Variants in ELOVL6 observed in about 807,000 individuals in gnomAD.
ELOVL6 encodes the protein very long chain fatty acid elongase 6.
A neutral mutation model predicts 31.7 loss-of-function variants in ELOVL6; 8 were observed. That is an observed-to-expected ratio of 0.25 (90% CI 0.15 to 0.45). The LOEUF (loss-of-function observed/expected upper bound fraction) is 0.45. ELOVL6 is among the 20% of genes least tolerant of loss of function. The probability of loss-of-function intolerance (pLI) is 1.00; values close to 1 mark genes in which losing one functional copy is unlikely to be tolerated. For synonymous variants in ELOVL6, 101 were observed against 117.7 expected (o/e 0.86, Z 0.92); for missense variants, 126 against 326.4 (o/e 0.39, Z 4.73).
chr4:110,120,283 T>A (rs920161138), intron 1 of ELOVL6, among the ~76,000 whole-genome samples: 4 of 151,774 alleles, frequency 2.6e-5, no homozygotes, highest in African/African-American at 9.7e-5. Context: ...AGCACCAAGA[T>A]TTGAGAGTAA....
At chr4:110,163,590 A>G (rs17612681) in intron 1 of ELOVL6, among the ~76,000 whole-genome samples, 6,808 of 152,338 alleles carry the variant, frequency 0.045, 219 homozygotes, top group South Asian at 0.12. Flanking sequence ...AAGTCTTATC[A>G]TCAATGAGTA....
At chr4:110,100,410 A>G (rs1479797765) in intron 2 of ELOVL6, among the ~76,000 whole-genome samples, 1 of 152,138 alleles carries the variant, frequency 6.6e-6, no homozygotes, top group East Asian at 1.9e-4. Context: ...AAAGAGAAAA[A>G]CTGCAGGCAA....
intron 1 of ELOVL6, among the ~76,000 whole-genome samples, chr4:110,156,308 C>T (rs1220059613): frequency 1.3e-5 from 2 of 152,122 alleles, no homozygotes; most frequent in African/African-American, 4.8e-5. Context: ...AGGATTGCTG[C>T]AGAGGAGATA....
rs192053407 is a variant in ELOVL6, at chr4:110,139,388, C to G, written c.90-33760G>C. Among the ~76,000 whole-genome samples the G allele has an allele frequency of 5.6e-4, 85 of 152,164 alleles. 1 individual carries two copies. The Middle Eastern group carries it at 0.031, about 55-fold the overall frequency. ...AGACACATGTAGATAATCACAGTGA[C>G]CTCAGTAACTTTCCTTCTCTTATTT... is the stretch of plus-strand genomic sequence containing the variant. On this transcript the variant is annotated intron_variant, in intron 1 of 3. Transcript: ENST00000302274.
chr4:110,195,763 C>G (rs1409905960), intron 1 of ELOVL6, among the ~76,000 whole-genome samples: 3 of 152,152 alleles, frequency 2.0e-5, no homozygotes, highest in Non-Finnish European at 4.4e-5. Flanking sequence ...ATAAAATGGG[C>G]ACCAATCACC....
intron 2 of ELOVL6, among the ~76,000 whole-genome samples, chr4:110,074,734 A>G (rs1260977291): frequency 6.6e-6 from 1 of 152,138 alleles, no homozygotes; most frequent in African/African-American, 2.4e-5. Context: ...CATAATAAAC[A>G]TTTTTTAAAA....
chr4:110,073,654 C>T (rs1013377487), intron 2 of ELOVL6, among the ~76,000 whole-genome samples: 1 of 152,150 alleles, frequency 6.6e-6, no homozygotes, highest in African/African-American at 2.4e-5. Flanking sequence ...TCTCCCTTCA[C>T]TATGAAATGT....
chr4:110,061,935 C>T (rs141621507), intron 2 of ELOVL6, among the ~76,000 whole-genome samples: 3 of 152,266 alleles, frequency 2.0e-5, no homozygotes, highest in African/African-American at 7.2e-5. Flanking sequence ...GCTATCCTTT[C>T]ATCCTTTTGG....
At chr4:110,182,775 G>A (rs1007756539) in intron 1 of ELOVL6, among the ~76,000 whole-genome samples, 1 of 152,114 alleles carries the variant, frequency 6.6e-6, no homozygotes, top group Non-Finnish European at 1.5e-5. Flanking sequence ...AGGCGTGGTG[G>A]CCCATGCTTG....
intron 3 of ELOVL6, among the ~76,000 whole-genome samples, chr4:110,053,864 G>A (rs1298428192): frequency 1.2e-4 from 18 of 152,202 alleles, no homozygotes; most frequent in African/African-American, 3.4e-4. Context: ...GCATGAACCC[G>A]GGAGGTGGAG....
intron 2 of ELOVL6, among the ~76,000 whole-genome samples, chr4:110,076,597 T>C (rs1301450340): frequency 6.6e-6 from 1 of 152,172 alleles, no homozygotes; most frequent in Admixed American, 6.5e-5. Flanking sequence ...TAAAGTCACC[T>C]AGCGAGGTGG....
chr4:110,142,396 C>T (rs901817996), intron 1 of ELOVL6, among the ~76,000 whole-genome samples: 2 of 152,126 alleles, frequency 1.3e-5, no homozygotes, highest in Non-Finnish European at 2.9e-5. Context: ...ATTTGCCTTA[C>T]CTATTTAACA....
In ELOVL6 at chr4:110,117,177, T is replaced by C. The variant is rs535291405; in HGVS notation, c.90-11549A>G. ...ACTGGCAGGTGGTGTGTAGAGGCCC[T>C]GGATGCCACAAGACAGCCCTCTGCA... On this transcript the variant is annotated intron_variant, in intron 1 of 3. Transcript: ENST00000302274. Among the ~76,000 whole-genome samples, 11 of 152,282 alleles carry C rather than the reference T, an allele frequency of 7.2e-5. No individual in the cohort carries two copies. The South Asian group carries it at 2.1e-3, about 29-fold the overall frequency.
intron 2 of ELOVL6, among the ~76,000 whole-genome samples, chr4:110,063,806 G>A (rs1336681043): frequency 3.3e-5 from 5 of 151,342 alleles, no homozygotes; most frequent in African/African-American, 4.9e-5. Flanking sequence ...GGCTGGGCAC[G>A]GTGGCTCATG....
chr4:110,178,519 C>T (rs914537948), intron 1 of ELOVL6, among the ~76,000 whole-genome samples: 9 of 150,978 alleles, frequency 6.0e-5, no homozygotes, highest in East Asian at 3.9e-4. Flanking sequence ...TGCCACTGCA[C>T]GCCAGCCTGA....
intron 1 of ELOVL6, among the ~76,000 whole-genome samples, chr4:110,152,177 G>A (rs1758296911): frequency 6.6e-6 from 1 of 152,062 alleles, no homozygotes; most frequent in African/African-American, 2.4e-5. Context: ...TATTGGTTGG[G>A]TTACCCTATA....
chr4:110,163,910 T>C (rs954058591), intron 1 of ELOVL6, among the ~76,000 whole-genome samples: 15 of 152,196 alleles, frequency 9.9e-5, no homozygotes, highest in Admixed American at 2.6e-4. Flanking sequence ...ATCTGAGTCA[T>C]AGTGACAGGC....
intron 1 of ELOVL6, among the ~76,000 whole-genome samples, chr4:110,117,413 G>T (rs139528004): frequency 2.6e-5 from 4 of 152,262 alleles, no homozygotes; most frequent in African/African-American, 9.6e-5. Flanking sequence ...TTGATTTCAA[G>T]CACAGAGTAA....
chr4:110,084,299 T>C (rs1756099371), intron 2 of ELOVL6, among the ~76,000 whole-genome samples: 2 of 97,754 alleles, frequency 2.0e-5, no homozygotes, highest in African/African-American at 9.6e-5. Flanking sequence ...TTATATATGA[T>C]ATATAACATA....
Sources: allele counts gnomAD v4.1 joint callset (sites outside exome capture counted in the v4.1 genomes callset), GRCh38; gene constraint gnomAD v4.1.1; transcripts MANE v1.5; gene names NCBI Gene and HGNC (gene_info 2026-07-23, HGNC 2026-07-21).